The following FSTL4 variants were observed in gnomAD, a reference collection of about 807,000 sequenced individuals.
The protein encoded by FSTL4 is follistatin like 4.
In FSTL4, 28 loss-of-function variants were observed where a neutral mutation model predicts 78.2. The ratio of observed to expected loss-of-function variants is 0.36; its 90% CI spans 0.27 to 0.49. FSTL4 has a LOEUF of 0.49. Ranked by LOEUF, FSTL4 falls within the 20% of genes least tolerant of loss-of-function variation. The pLI is 0.98. For missense variants in FSTL4, 922 were observed against 1,084.9 expected, an observed-to-expected ratio of 0.85 and a Z score of 2.11; for synonymous variants, 422 against 440.5, an observed-to-expected ratio of 0.96 and a Z score of 0.53.
chr5:133,740,824 C>A, the FSTL4 span, among the ~76,000 whole-genome samples: 1 of 152,116 alleles, frequency 6.6e-6, no homozygotes, highest in Non-Finnish European at 1.5e-5. Flanking sequence ...GCAACGGCAT[C>A]CACCCTGGTA....
At chr5:133,301,059 G>A (rs558805009) in intron 6 of FSTL4, among the ~76,000 whole-genome samples, 8 of 152,186 alleles carry the variant, frequency 5.3e-5, no homozygotes, top group Non-Finnish European at 8.8e-5. Flanking sequence ...ACGGACTTCA[G>A]GACTCAGAAA....
chr5:133,696,731 AAGG>A, the FSTL4 span, among the ~76,000 whole-genome samples: 1 of 152,142 alleles, frequency 6.6e-6, no homozygotes, highest in Admixed American at 6.5e-5. Context: ...GGCTGTGGGG[AAGG>A]AGGAGGGGAA....
At chr5:133,311,623 ACT>A (rs1486730388) in intron 6 of FSTL4, among the ~76,000 whole-genome samples, 1 of 152,142 alleles carries the variant, frequency 6.6e-6, no homozygotes, top group Admixed American at 6.5e-5. Flanking sequence ...AAGAGATGTC[ACT>A]CTGAAGCAGG....
chr5:133,221,258 G>C (rs966324408), intron 11 of FSTL4, among the ~76,000 whole-genome samples: 1 of 152,200 alleles, frequency 6.6e-6, no homozygotes, highest in Non-Finnish European at 1.5e-5. Context: ...AGTAGCAAAG[G>C]CTTTCATTTG....
chr5:133,439,123 G>A (rs1757097178), intron 3 of FSTL4, among the ~76,000 whole-genome samples: 1 of 152,208 alleles, frequency 6.6e-6, no homozygotes, highest in Admixed American at 6.5e-5. Context: ...GTGATGGGCT[G>A]TAGGGATTTT....
intron 3 of FSTL4, among the ~76,000 whole-genome samples, chr5:133,527,499 A>ACACC (rs1554068702): frequency 0.013 from 1,109 of 83,192 alleles, 37 homozygotes; most frequent in African/African-American, 0.032. Flanking sequence ...ACACACACAC[A>ACACC]CACCCATAAG....
the FSTL4 span, among the ~76,000 whole-genome samples, chr5:133,647,774 C>T: frequency 4.1e-4 from 63 of 152,310 alleles, no homozygotes; most frequent in Non-Finnish European, 5.9e-5. Flanking sequence ...CCAACTCTAA[C>T]ATTCTTGATG....
At chr5:133,734,135 G>A in the FSTL4 span, among the ~76,000 whole-genome samples, 2 of 152,148 alleles carry the variant, frequency 1.3e-5, no homozygotes, top group African/African-American at 4.8e-5. Context: ...CACATTCAAG[G>A]GGAGGGGAAG....
chr5:133,719,151 A>G, the FSTL4 span, among the ~76,000 whole-genome samples: 3 of 152,204 alleles, frequency 2.0e-5, no homozygotes, highest in African/African-American at 7.2e-5. Flanking sequence ...ATTCTTACTT[A>G]CAAATCCAAT....
the FSTL4 span, among the ~76,000 whole-genome samples, chr5:133,776,789 C>A: frequency 6.6e-6 from 1 of 152,162 alleles, no homozygotes; most frequent in Non-Finnish European, 1.5e-5. Context: ...GAGTTAGCAC[C>A]AAGGTAGGTC....
At chr5:133,665,620 G>A in the FSTL4 span, among the ~76,000 whole-genome samples, 1 of 152,160 alleles carries the variant, frequency 6.6e-6, no homozygotes. Context: ...AGGTGTGTAT[G>A]CTGGACTGAG....
At chr5:133,439,967 T>A (rs1489223093) in intron 3 of FSTL4, among the ~76,000 whole-genome samples, 1 of 152,172 alleles carries the variant, frequency 6.6e-6, no homozygotes, top group Non-Finnish European at 1.5e-5. Context: ...CAGACGTTGA[T>A]CTGTGTTAGC....
At chr5:133,515,296 G>A (rs1758830745) in intron 3 of FSTL4, among the ~76,000 whole-genome samples, 1 of 152,042 alleles carries the variant, frequency 6.6e-6, no homozygotes, top group Non-Finnish European at 1.5e-5. Context: ...GGAGGCTGAG[G>A]TGGGAGGATC....
intron 7 of FSTL4, among the ~76,000 whole-genome samples, chr5:133,245,267 A>G (rs1313834308): frequency 6.6e-6 from 1 of 152,032 alleles, no homozygotes; most frequent in South Asian, 2.1e-4. Flanking sequence ...GAGGAGGAAG[A>G]CTCAGAAAAC....
At chr5:133,293,670 G>A (rs187062411) in intron 6 of FSTL4, among the ~76,000 whole-genome samples, 68 of 152,156 alleles carry the variant, frequency 4.5e-4, no homozygotes, top group African/African-American at 1.4e-3. Context: ...ACTGTATACC[G>A]GCCAGATGCA....
intron 2 of FSTL4, among the ~76,000 whole-genome samples, chr5:133,595,159 C>A (rs1324063225): frequency 6.6e-6 from 1 of 152,210 alleles, no homozygotes; most frequent in Non-Finnish European, 1.5e-5. Flanking sequence ...GCCAAGCAGG[C>A]CCTCAAAGCC....
chr5:133,709,771 C>T, the FSTL4 span, among the ~76,000 whole-genome samples: 4 of 152,350 alleles, frequency 2.6e-5, no homozygotes, highest in African/African-American at 9.6e-5. Context: ...GCATAAGGCT[C>T]ATCCAAATGC....
chr5:133,343,321 AC>A (rs1469222750), intron 4 of FSTL4, among the ~76,000 whole-genome samples: 1 of 152,170 alleles, frequency 6.6e-6, no homozygotes, highest in African/African-American at 2.4e-5. Context: ...AAGCAGACAT[AC>A]CTTGGCTGGG....
intron 1 of FSTL4, among the ~76,000 whole-genome samples, chr5:133,610,713 C>A (rs1761071741): frequency 6.6e-6 from 1 of 152,208 alleles, no homozygotes; most frequent in Non-Finnish European, 1.5e-5. Flanking sequence ...TCCTGGGGGC[C>A]AGAGGGGCAG....
Sources: allele counts gnomAD v4.1 joint callset (sites outside exome capture counted in the v4.1 genomes callset), GRCh38; gene constraint gnomAD v4.1.1; transcripts MANE v1.5; gene names NCBI Gene and HGNC (gene_info 2026-07-23, HGNC 2026-07-21).